The following SPATS2 variants were observed in gnomAD, a reference collection of about 807,000 sequenced individuals.
SPATS2 encodes spermatogenesis-associated serine-rich protein 2.
In SPATS2, 38 loss-of-function variants were observed where a neutral mutation model predicts 63.7. The ratio of observed to expected loss-of-function variants is 0.60; its 90% CI spans 0.46 to 0.78. SPATS2 has a LOEUF of 0.78. Among genes scored for constraint, SPATS2 ranks in the 30% least tolerant of loss-of-function variants. SPATS2 has a pLI of 0.00. For missense variants in SPATS2, 588 were observed against 666.2 expected (o/e 0.88, Z 1.29); for synonymous variants, 207 against 232.9 (o/e 0.89, Z 1.01).
intron 2 of SPATS2, chr12:49,389,702 G>C: frequency 1.3e-6 from 2 of 1,550,128 alleles, no homozygotes; most frequent in Non-Finnish European, 1.8e-6. Context: ...ATCGGCCACG[G>C]TCCACGTTAG....
At chr12:49,390,742 A>G (rs1944404704) in intron 2 of SPATS2, among the ~76,000 whole-genome samples, 1 of 152,244 alleles carries the variant, frequency 6.6e-6, no homozygotes, top group Admixed American at 6.5e-5. Flanking sequence ...GCAATTTACC[A>G]TAACTGATAC....
intron 2 of SPATS2, among the ~76,000 whole-genome samples, chr12:49,385,290 A>C (rs1944292930): frequency 6.6e-6 from 1 of 151,438 alleles, no homozygotes; most frequent in Non-Finnish European, 1.5e-5. Context: ...CAAAAAAAAA[A>C]AACAAAAACC....
chr12:49,405,817 G>T (rs58095611), intron 2 of SPATS2, among the ~76,000 whole-genome samples: 2 of 151,992 alleles, frequency 1.3e-5, no homozygotes, highest in African/African-American at 4.8e-5. Context: ...GACGACTTTC[G>T]TGTATATAAT....
At chr12:49,472,178 T>C (rs1170198439) in intron 3 of SPATS2, among the ~76,000 whole-genome samples, 2 of 152,092 alleles carry the variant, frequency 1.3e-5, no homozygotes, top group East Asian at 3.9e-4. Flanking sequence ...TATTGAAAAG[T>C]TTAAAATTAT....
Position 49,489,589 on chromosome 12 carries a change from T to A in SPATS2, c.214+16T>A, listed in dbSNP as rs777828466. On this transcript the variant is annotated intron_variant, in intron 5 of 13. Transcript: ENST00000552918. ...TTCATGGAAGGTAATCCTGACTTAA[T>A]TTTAAAAATAAATTTATATTTGCTC... 4.4e-6 allele frequency: 7 copies of A among 1,588,846 alleles called. No individual in the cohort carries two copies. The South Asian group carries it at 8.0e-5, about 18-fold the overall frequency.
chr12:49,425,024 C>A (rs1019608502), intron 2 of SPATS2, among the ~76,000 whole-genome samples: 1 of 152,128 alleles, frequency 6.6e-6, no homozygotes. Flanking sequence ...CATTTATTCA[C>A]CAATCTTTGA....
intron 10 of SPATS2, among the ~76,000 whole-genome samples, chr12:49,516,890 C>G (rs2138062362): frequency 6.6e-6 from 1 of 152,212 alleles, no homozygotes; most frequent in South Asian, 2.1e-4. Context: ...CCCTGAAAAT[C>G]CTGGTTCTCA....
chr12:49,479,653 A>G (rs1220295725), intron 3 of SPATS2, among the ~76,000 whole-genome samples: 3 of 152,030 alleles, frequency 2.0e-5, no homozygotes, highest in African/African-American at 7.2e-5. Context: ...TCCCCCTGCC[A>G]CCCACTTTCA....
rs200315994 is a variant in SPATS2, at chr12:49,494,968, C to A, written c.492C>A (p.Pro164=). The change falls in exon 7 of 14, where the codon CCC becomes CCA. Residue 164 remains proline (P), a synonymous_variant. Transcript: ENST00000552918. ...LSIDARELED[P]ESAMLDTLDR... The stretch of plus-strand genomic sequence containing the variant: ...TAGATGCCAGAGAATTGGAGGATCC[C>A]GAGTCTGCCATGCTAGATACGCTGG... 6.2e-7 allele frequency: 1 copy of A among 1,613,252 alleles called. No homozygotes were observed. Among genetic ancestry groups the A allele is most frequent in the African/African-American group, 1.3e-5 (1 of 74,952 alleles).
chr12:49,396,140 C>T (rs987899888), intron 2 of SPATS2, among the ~76,000 whole-genome samples: 18 of 152,112 alleles, frequency 1.2e-4, no homozygotes, highest in African/African-American at 2.7e-4. Flanking sequence ...CTAATTCATC[C>T]GTTGATGTAC....
chr12:49,473,953 C>A (rs1047049831), intron 3 of SPATS2, among the ~76,000 whole-genome samples: 1 of 152,100 alleles, frequency 6.6e-6, no homozygotes, highest in Non-Finnish European at 1.5e-5. Flanking sequence ...GTCCAGAGAG[C>A]GATTACCTTT....
rs1346606436 is a variant in SPATS2, at chr12:49,484,782, C to T, written c.105+113C>T. On this transcript the variant is annotated intron_variant, in intron 4 of 13. Coordinates refer to ENST00000552918, the MANE Select transcript of SPATS2 (RefSeq NM_023071.4). ...TGAGACTGAAATTTTAAGAATAAAA[C>T]AATGCCACTATATATCAGAGAGTGA... The T allele has an allele frequency of 9.3e-6, 8 of 863,996 alleles. No individual in the cohort carries two copies. In the East Asian group the frequency reaches 1.8e-4, roughly 20 times the overall value. 53.5% of individuals were successfully genotyped at this position (863,996 alleles called of 1,614,324 possible). A position where few individuals can be genotyped will look rare whatever the true frequency, so the allele number is the denominator to read the frequency against.
chr12:49,445,488 CAT>C (rs371420495), intron 2 of SPATS2, among the ~76,000 whole-genome samples: 25 of 150,074 alleles, frequency 1.7e-4, no homozygotes, highest in South Asian at 4.2e-4. Flanking sequence ...ATTTGGCTTG[CAT>C]ATATATATAT....
intron 4 of SPATS2, 138 bp from the exon 5 acceptor site, chr12:49,489,327 A>G (rs1946346666): frequency 1.8e-6 from 1 of 545,120 alleles, no homozygotes; most frequent in African/African-American, 1.9e-5. Context: ...AGATGCTTGT[A>G]TGTACTGTCA....
intron 2 of SPATS2, among the ~76,000 whole-genome samples, chr12:49,439,486 A>G (rs1040416694): frequency 6.6e-6 from 1 of 152,228 alleles, no homozygotes; most frequent in East Asian, 1.9e-4. Flanking sequence ...GAGTGGTAAC[A>G]GTGGAATGGC....
chr12:49,410,472 A>C (rs899217032), intron 2 of SPATS2, among the ~76,000 whole-genome samples: 1 of 152,174 alleles, frequency 6.6e-6, no homozygotes, highest in African/African-American at 2.4e-5. Context: ...AGAATGAGTA[A>C]GACAGAGAGG....
At chr12:49,369,505 C>T (rs1459078393) in intron 1 of SPATS2, among the ~76,000 whole-genome samples, 2 of 152,162 alleles carry the variant, frequency 1.3e-5, no homozygotes, top group African/African-American at 4.8e-5. Context: ...CTAGCTGTAT[C>T]GGATGCCTTT....
At chr12:49,387,064 G>A (rs1944329494) in intron 2 of SPATS2, 2 of 152,118 alleles carry the variant, frequency 1.3e-5, no homozygotes, top group Admixed American at 1.3e-4. Context: ...GGAATAAGGA[G>A]GGAGACTGAT....
Position 49,525,993 on chromosome 12 carries a change from A to G in SPATS2, c.1376A>G (p.Gln459Arg), listed in dbSNP as rs1268124369. 1 of 1,614,170 alleles carries G rather than the reference A, an allele frequency of 6.2e-7. No individual in the cohort carries two copies. The highest frequency in any genetic ancestry group is 1.3e-5 in the African/African-American group (1 of 74,952). ...GGACAGGGCTATAGGCCACAAGGCCAAAAGTCCAATGACCCCATGAACCAA... is the reference window on the plus strand; with the variant it reads ...GGACAGGGCTATAGGCCACAAGGCCGAAAGTCCAATGACCCCATGAACCAA... ...RGGQGYRPQG[Q>R]KSNDPMNQGR... is the part of the protein sequence containing the mutation. Residue 459 changes from glutamine (Q) to arginine (R), a missense_variant, in exon 14 of 14, where the codon CAA becomes CGA. Physicochemically the swap from Gln to Arg is conservative, Grantham distance 43. Coordinates refer to ENST00000552918, the MANE Select transcript of SPATS2 (RefSeq NM_023071.4).
Sources: gnomAD v4.1 joint callset for allele counts (sites outside exome capture counted in the v4.1 genomes callset) on GRCh38, gnomAD v4.1.1 for gene constraint, MANE v1.5 for transcripts, NCBI Gene and HGNC (gene_info 2026-07-23, HGNC 2026-07-21) for gene names.